SYNPR: variants seen among roughly 807,000 people sequenced by gnomAD.
The protein encoded by SYNPR is synaptoporin.
A neutral mutation model predicts 32.9 loss-of-function variants in SYNPR; 23 were observed. The observed-to-expected ratio is 0.70, with a 90% confidence interval of 0.50 to 0.99. SYNPR has a LOEUF of 0.99. Ranked by LOEUF, SYNPR falls within the 50% of genes least tolerant of loss-of-function variation. SYNPR has a pLI of 0.00. For synonymous variants in SYNPR, 146 were observed against 135.9 expected (o/e 1.07, Z -0.52); for missense variants, 318 against 349.3 (o/e 0.91, Z 0.71).
intron 2 of SYNPR, among the ~76,000 whole-genome samples, chr3:63,470,351 A>AT (rs1010961070): frequency 1.4e-5 from 2 of 143,214 alleles, no homozygotes; most frequent in Non-Finnish European, 1.5e-5. Flanking sequence ...TAATTACTCT[A>AT]TTTTTTTATA....
At chr3:63,346,001 G>A (rs2087432803) in intron 2 of SYNPR, among the ~76,000 whole-genome samples, 1 of 152,066 alleles carries the variant, frequency 6.6e-6, no homozygotes, top group Non-Finnish European at 1.5e-5. Context: ...TTTTAGTGGA[G>A]TTGGGGTTTC....
intron 5 of SYNPR, among the ~76,000 whole-genome samples, chr3:63,614,449 G>C (rs1266241368): frequency 1.3e-5 from 2 of 152,184 alleles, no homozygotes; most frequent in Non-Finnish European, 2.9e-5. Flanking sequence ...TGGAGAGTAA[G>C]AGGAATTTCC....
intron 2 of SYNPR, among the ~76,000 whole-genome samples, chr3:63,417,651 G>A (rs955834525): frequency 2.0e-5 from 3 of 152,198 alleles, no homozygotes; most frequent in Non-Finnish European, 4.4e-5. Context: ...TGAAATCTAG[G>A]TGGAGGTTTC....
chr3:63,557,907 C>T (rs1287788334), intron 4 of SYNPR, among the ~76,000 whole-genome samples: 1 of 152,182 alleles, frequency 6.6e-6, no homozygotes, highest in Non-Finnish European at 1.5e-5. Flanking sequence ...GTTTATCCCC[C>T]ACCAAAACTC....
intron 2 of SYNPR, among the ~76,000 whole-genome samples, chr3:63,267,155 A>G (rs1236928986): frequency 6.6e-6 from 1 of 152,176 alleles, no homozygotes; most frequent in Non-Finnish European, 1.5e-5. Context: ...AAGTGAGCTG[A>G]TGTTTGAAAA....
At chr3:63,315,862 G>A (rs1222155274) in intron 2 of SYNPR, among the ~76,000 whole-genome samples, 2 of 151,898 alleles carry the variant, frequency 1.3e-5, no homozygotes, top group African/African-American at 2.4e-5. Flanking sequence ...TCAGTATTAT[G>A]TTTGCTGTGG....
intron 2 of SYNPR, among the ~76,000 whole-genome samples, chr3:63,464,754 A>G (rs573502320): frequency 8.7e-4 from 132 of 152,266 alleles, no homozygotes; most frequent in African/African-American, 3.0e-3. Flanking sequence ...GAATTGTGTC[A>G]CTAATTTTTG....
chr3:63,613,610 C>CAAAAAAAAAAAAAAA (rs10566584), intron 5 of SYNPR, among the ~76,000 whole-genome samples: 4 of 46,050 alleles, frequency 8.7e-5, no homozygotes, highest in African/African-American at 3.3e-4. Context: ...TATGCTGCAG[C>CAAAAAAAAAAAAAAA]AAAAAAAAAA....
intron 2 of SYNPR, among the ~76,000 whole-genome samples, chr3:63,460,862 G>T (rs571442436): frequency 6.6e-6 from 1 of 152,230 alleles, no homozygotes; most frequent in Admixed American, 6.5e-5. Flanking sequence ...GCTGGAGGCA[G>T]GTACAGCTGA....
At chr3:63,257,167 TC>T (rs1326534470) in intron 2 of SYNPR, among the ~76,000 whole-genome samples, 2 of 152,108 alleles carry the variant, frequency 1.3e-5, no homozygotes, top group Non-Finnish European at 2.9e-5. Context: ...CAGGAGAACT[TC>T]CCCAGTCTAG....
chr3:63,609,080 C>T (rs1415646062), intron 4 of SYNPR, 45 bp from the exon 5 acceptor site: 1 of 1,536,572 alleles, frequency 6.5e-7, no homozygotes, highest in East Asian at 2.4e-5. Context: ...GTTTCTAGAA[C>T]TCACATTTTC....
chr3:63,261,711 TATAATAATAATA>T (rs60616720), intron 2 of SYNPR, among the ~76,000 whole-genome samples: 10 of 145,598 alleles, frequency 6.9e-5, no homozygotes, highest in Non-Finnish European at 1.4e-4. Context: ...AAACTTAAAG[TATAATAATAATA>T]ATAATAATAA....
intron 4 of SYNPR, among the ~76,000 whole-genome samples, chr3:63,581,017 G>A (rs1017576393): frequency 3.3e-5 from 5 of 152,168 alleles, no homozygotes; most frequent in African/African-American, 1.2e-4. Flanking sequence ...ATGAGTCAGT[G>A]AAGATGAATC....
At chr3:63,500,305 A>G (rs1446354886) in intron 3 of SYNPR, among the ~76,000 whole-genome samples, 2 of 152,196 alleles carry the variant, frequency 1.3e-5, no homozygotes, top group Non-Finnish European at 2.9e-5. Flanking sequence ...CATCAAGGCT[A>G]CATGTACTAG....
intron 2 of SYNPR, among the ~76,000 whole-genome samples, chr3:63,388,932 T>G (rs1421865483): frequency 6.6e-6 from 1 of 152,194 alleles, no homozygotes. Flanking sequence ...GTGGCTTTTG[T>G]TATATTTTCA....
intron 3 of SYNPR, among the ~76,000 whole-genome samples, chr3:63,269,744 T>C (rs769458441): frequency 6.6e-6 from 1 of 152,240 alleles, no homozygotes; most frequent in South Asian, 2.1e-4. Flanking sequence ...TATTTCATCT[T>C]ATTCAAACTG....
chr3:63,470,050 T>C (rs990089002), intron 2 of SYNPR, among the ~76,000 whole-genome samples: 1 of 152,210 alleles, frequency 6.6e-6, no homozygotes, highest in African/African-American at 2.4e-5. Context: ...TACATGCTTA[T>C]TGGAAGACAT....
chr3:63,343,696 A>T (rs1427843365), intron 2 of SYNPR, among the ~76,000 whole-genome samples: 2 of 152,204 alleles, frequency 1.3e-5, no homozygotes, highest in African/African-American at 2.4e-5. Context: ...ATTACCCTAG[A>T]AGTTGTTTTC....
chr3:63,455,282 A>G (rs753902462), intron 2 of SYNPR, among the ~76,000 whole-genome samples: 2 of 152,168 alleles, frequency 1.3e-5, no homozygotes, highest in Non-Finnish European at 2.9e-5. Flanking sequence ...TAGGACAATT[A>G]GAATACCACT....
Sources: allele counts gnomAD v4.1 joint callset (sites outside exome capture counted in the v4.1 genomes callset), GRCh38; gene constraint gnomAD v4.1.1; transcripts MANE v1.5; gene names NCBI Gene and HGNC (gene_info 2026-07-23, HGNC 2026-07-21).